The following NUP153 variants were observed in gnomAD, a reference collection of about 807,000 sequenced individuals.
NUP153 encodes the protein nuclear pore complex protein Nup153.
Under a neutral mutation model 134.6 loss-of-function variants are expected in NUP153, and 27 were observed. That is an observed-to-expected ratio of 0.20 (90% CI 0.15 to 0.28). NUP153 has a LOEUF of 0.28. Ranked by LOEUF, NUP153 falls within the 10% of genes least tolerant of loss-of-function variation. The pLI, the probability that NUP153 is intolerant of heterozygous loss-of-function variation, is 1.00. For synonymous variants in NUP153, 640 were observed against 623.5 expected, an observed-to-expected ratio of 1.03 and a Z score of -0.40; for missense variants, 1,821 against 1,731.3, an observed-to-expected ratio of 1.05 and a Z score of -0.92.
chr6:17,675,484 T>G lies in NUP153; in HGVS notation c.583+38A>C. ...AAAAAAAACCCATAAAATTTAATGT[T>G]ACTACCCAAATTATGTACTACCACA... On this transcript the variant is annotated intron_variant, in intron 3 of 21. Transcript: ENST00000262077. This position sits in a 1 kb window ranked among gnomAD's most constrained non-coding sequence, Gnocchi z 4.4. 6.2e-7 allele frequency: 1 copy of G among 1,606,366 alleles called. No individual in the cohort carries two copies. Among genetic ancestry groups the G allele is most frequent in the Non-Finnish European group, 8.5e-7 (1 of 1,176,100 alleles).
chr6:17,649,488 G>C (rs1233286973), intron 11 of NUP153, among the ~76,000 whole-genome samples, 188 bp from the exon 12 acceptor site: 1 of 152,110 alleles, frequency 6.6e-6, no homozygotes, highest in Non-Finnish European at 1.5e-5. Context: ...CATTTGACTT[G>C]GGGAACCTAA....
chr6:17,664,375 A>G (rs866248545), intron 9 of NUP153, among the ~76,000 whole-genome samples: 9 of 152,300 alleles, frequency 5.9e-5, no homozygotes, highest in South Asian at 4.1e-4. Context: ...GAATTGTATG[A>G]TATGTGAATT....
At chr6:17,655,018 G>C (rs1766727484) in intron 11 of NUP153, among the ~76,000 whole-genome samples, 1 of 152,148 alleles carries the variant, frequency 6.6e-6, no homozygotes, top group South Asian at 2.1e-4. Context: ...TAAGTGGCAG[G>C]ATTATACAAG....
Position 17,629,440 on chromosome 6 carries a change from C to A in NUP153, c.2759G>T (p.Ser920Ile). Residue 920 changes from serine to isoleucine, a missense_variant, in exon 18 of 22, where the codon AGC (serine) becomes ATC (isoleucine). Transcript: ENST00000262077. Reference protein sequence around the residue: ...SSSGPSQTLTSTGNFKFGDQG... With the variant: ...SSSGPSQTLTITGNFKFGDQG... ...ATCTCCAAATTTAAAATTTCCAGTG[C>A]TTGTTAAAGTCTGAGAAGGCCCAGA... 1 of 1,613,988 alleles carries A rather than the reference C, an allele frequency of 6.2e-7. No individual in the cohort carries two copies. The highest frequency in any genetic ancestry group is 8.5e-7 in the Non-Finnish European group (1 of 1,179,996).
chr6:17,659,805 C>A (rs1767075320), intron 11 of NUP153, among the ~76,000 whole-genome samples: 1 of 152,116 alleles, frequency 6.6e-6, no homozygotes, highest in African/African-American at 2.4e-5. Flanking sequence ...TAATAAAGAG[C>A]TTTAATGACA....
chr6:17,665,457 T>A, intron 8 of NUP153, 72 bp from the exon 9 acceptor site: 1 of 1,232,578 alleles, frequency 8.1e-7, no homozygotes, highest in Non-Finnish European at 1.2e-6. Context: ...ATTTTGACAA[T>A]AGCTAACATG....
At position 17,615,982 on chromosome 6, in the gene NUP153, TAAAG is replaced by T. The variant is rs1764292810; in HGVS notation, c.*111_*114del. On this transcript the variant is annotated 3_prime_UTR_variant, in exon 22 of 22. Transcript: ENST00000262077. The surrounding 1 kb of genome is among the most constrained non-coding windows in gnomAD (Gnocchi z 5.7). ...AGAGAAAGGAGGAAAATTCCAAAAT[TAAAG>T]AAGTCCTTAGGCAGATCTGACTTCA... 2 of 663,588 alleles carry T rather than the reference TAAAG, an allele frequency of 3.0e-6. No individual in the cohort carries two copies. Among genetic ancestry groups the T allele is most frequent in the Middle Eastern group, 3.6e-4 (1 of 2,814 alleles). The allele number at this position is 663,588 out of a possible 1,614,324, so 41.1% of individuals were successfully genotyped here.
At chr6:17,633,763 A>T (rs1765379994) in intron 16 of NUP153, among the ~76,000 whole-genome samples, 1 of 152,168 alleles carries the variant, frequency 6.6e-6, no homozygotes, top group South Asian at 2.1e-4. Flanking sequence ...ACTTCTCTAG[A>T]TGGCCTACAA....
intron 2 of NUP153, among the ~76,000 whole-genome samples, chr6:17,685,163 A>T (rs149382310): frequency 1.7e-3 from 263 of 152,356 alleles, no homozygotes; most frequent in African/African-American, 5.9e-3. Flanking sequence ...AATATTTAGT[A>T]AACAACTAAA....
chr6:17,682,666 C>A (rs749281292), intron 2 of NUP153, among the ~76,000 whole-genome samples: 1 of 152,096 alleles, frequency 6.6e-6, no homozygotes, highest in East Asian at 1.9e-4. Context: ...CACCTGTAAG[C>A]CCAGCACTTC....
intron 2 of NUP153, 139 bp downstream of exon 2, chr6:17,688,256 AT>A (rs1561906043): frequency 9.7e-6 from 6 of 619,460 alleles, no homozygotes; most frequent in South Asian, 6.3e-5. Context: ...TAAAAAAGAC[AT>A]CCAATTTGAA....
chr6:17,681,784 C>T (rs921478987), intron 2 of NUP153, among the ~76,000 whole-genome samples: 30 of 152,060 alleles, frequency 2.0e-4, no homozygotes, highest in African/African-American at 7.2e-4. Flanking sequence ...TATGAACATG[C>T]TTTTTACTTA....
At chr6:17,652,099 A>T (rs1766526416) in intron 11 of NUP153, among the ~76,000 whole-genome samples, 1 of 152,192 alleles carries the variant, frequency 6.6e-6, no homozygotes, top group East Asian at 1.9e-4. Flanking sequence ...AAATTCACCA[A>T]ATAAAAGTTG....
Position 17,675,622 on chromosome 6 carries a change from C to G in NUP153, c.483G>C (p.Ser161=). The change falls in exon 3 of 22, where the codon TCG becomes TCC. Residue 161 remains serine, a synonymous_variant. Transcript: ENST00000262077. The surrounding 1 kb of genome is among the most constrained non-coding windows in gnomAD (Gnocchi z 4.4). ...TAATTTCCTTTACAAGGGAAAATCCCGAACTGCCAATTGGGAATGCCGAGG... is the reference window on the plus strand; with the variant it reads ...TAATTTCCTTTACAAGGGAAAATCCGGAACTGCCAATTGGGAATGCCGAGG... ...STSSAFPIGS[S]GFSLVKEIKD... is the part of the protein sequence containing the mutation. The G allele has an allele frequency of 6.2e-7, 1 of 1,614,088 alleles. No homozygotes were observed. Among genetic ancestry groups the G allele is most frequent in the East Asian group, 2.2e-5 (1 of 44,864 alleles).
rs1169158167 is a variant in NUP153 at position 17,628,292 on chromosome 6, T to TA, written c.3544+362dup. ...CTATTTGTAAATAAAGGCCTTCCCATAGATTATGGTAGAAAATACTTCATA... is the reference window on the plus strand; with the variant it reads ...CTATTTGTAAATAAAGGCCTTCCCATAAGATTATGGTAGAAAATACTTCATA... On this transcript the variant is annotated intron_variant, in intron 18 of 21. Transcript: ENST00000262077. The surrounding 1 kb of genome is among the most constrained non-coding windows in gnomAD (Gnocchi z 5.4). Among the ~76,000 whole-genome samples the TA allele has an allele frequency of 6.6e-6, 1 of 152,196 alleles. No individual in the cohort carries two copies. The highest frequency in any genetic ancestry group is 1.5e-5 in the Non-Finnish European group (1 of 68,042).
Position 17,675,060 on chromosome 6 carries a change from T to C in NUP153, c.724-27A>G, listed in dbSNP as rs1182575133. On this transcript the variant is annotated intron_variant, in intron 4 of 21. Transcript: ENST00000262077. The surrounding 1 kb of genome is among the most constrained non-coding windows in gnomAD (Gnocchi z 4.4). Reference sequence around the variant, plus strand: ...TGCACAGAAACAGAATGATAAATTATAAGCCATATGAACCCAGGAGGTGGA... The same window carrying C: ...TGCACAGAAACAGAATGATAAATTACAAGCCATATGAACCCAGGAGGTGGA... 13 of 1,610,514 alleles carry C rather than the reference T, an allele frequency of 8.1e-6. No homozygotes were observed. Among genetic ancestry groups the C allele is most frequent in the Non-Finnish European group, 1.1e-5 (13 of 1,178,818 alleles).
At position 17,629,197 on chromosome 6, in the gene NUP153, C is replaced by A. The variant is rs1241130878; in HGVS notation, c.3002G>T (p.Gly1001Val). ...TTCTTCCTGTCCAAGATTAGATACCCCAAATTGAAATGGAGTTAAAGAAAC... is the reference window on the plus strand; with the variant it reads ...TTCTTCCTGTCCAAGATTAGATACCACAAATTGAAATGGAGTTAAAGAAAC... ...NPVSLTPFQF[G>V]VSNLGQEEKK... is the part of the protein sequence containing the mutation. Residue 1001 changes from glycine to valine, a missense_variant, in exon 18 of 22, where the codon GGG (glycine) becomes GTG (valine). Coordinates refer to ENST00000262077, the MANE Select transcript of NUP153 (RefSeq NM_005124.4). 4 of 1,613,156 alleles carry A rather than the reference C, an allele frequency of 2.5e-6. No homozygotes were observed.
chr6:17,640,313 C>A (rs1211586117), intron 14 of NUP153, among the ~76,000 whole-genome samples: 1 of 152,160 alleles, frequency 6.6e-6, no homozygotes, highest in Non-Finnish European at 1.5e-5. Flanking sequence ...CTATAATTAT[C>A]GTCCAATTAA....
chr6:17,663,498 A>G (rs1767332204), intron 9 of NUP153, among the ~76,000 whole-genome samples: 1 of 152,148 alleles, frequency 6.6e-6, no homozygotes, highest in African/African-American at 2.4e-5. Context: ...TCCTGGACTC[A>G]AGTGATCCTT....
Sources: allele counts gnomAD v4.1 joint callset (sites outside exome capture counted in the v4.1 genomes callset), GRCh38; gene constraint gnomAD v4.1.1; non-coding constraint Gnocchi (gnomAD v3.1); transcripts MANE v1.5; gene names NCBI Gene and HGNC (gene_info 2026-07-23, HGNC 2026-07-21).